DOCK7: variants seen among roughly 807,000 people sequenced by gnomAD.
DOCK7 encodes dedicator of cytokinesis 7.
In DOCK7, 138 loss-of-function variants were observed where a neutral mutation model predicts 271.0. The ratio of observed to expected loss-of-function variants is 0.51; its 90% confidence interval spans 0.44 to 0.59. DOCK7 has a LOEUF of 0.59. DOCK7 is among the 20% of genes least tolerant of loss of function. The probability of loss-of-function intolerance (pLI) is 0.00; values close to 1 mark genes in which losing one functional copy is unlikely to be tolerated. For missense variants in DOCK7, 2,066 were observed against 2,592.4 expected, an observed-to-expected ratio of 0.80 and a Z score of 4.41; for synonymous variants, 823 against 876.1, an observed-to-expected ratio of 0.94 and a Z score of 1.07.
In DOCK7 at chr1:62,618,802, A is replaced by G; in HGVS notation, c.1586T>C (p.Leu529Pro). Residue 529 changes from leucine (L) to proline (P), a missense_variant, in exon 14 of 50, where the codon CTT becomes CCT. Transcript: ENST00000635253. ...NPHYCLTPEL[L>P]QVKLYPDSRV... ...ACTGTCAGGGTAAAGCTTCACTTGA[A>G]GCAGCTCCGGAGTTAGGCAATAATG... The G allele has an allele frequency of 6.2e-7, 1 of 1,613,830 alleles. No individual in the cohort carries two copies. The highest frequency in any genetic ancestry group is 8.5e-7 in the Non-Finnish European group (1 of 1,179,728).
At chr1:62,645,060 T>C (rs1396860794) in intron 7 of DOCK7, among the ~76,000 whole-genome samples, 3 of 152,102 alleles carry the variant, frequency 2.0e-5, no homozygotes, top group Non-Finnish European at 2.9e-5. Flanking sequence ...CAAATATTGG[T>C]GAAAACGTGG....
chr1:62,641,906 G>A (rs898820087), intron 7 of DOCK7, among the ~76,000 whole-genome samples: 2 of 151,574 alleles, frequency 1.3e-5, no homozygotes, highest in African/African-American at 4.9e-5. Flanking sequence ...CCATTATATC[G>A]TAATATATAT....
At position 62,510,767 on chromosome 1, in the gene DOCK7, A is replaced by C. The variant is rs1395717288; in HGVS notation, c.4283-94T>G. 3.0e-5 allele frequency: 29 copies of C among 953,524 alleles called. No homozygotes were observed. In the Admixed American group the frequency reaches 5.2e-4, roughly 17 times the overall value. 59.1% of individuals were successfully genotyped at this position (953,524 alleles called of 1,614,324 possible). A position where few individuals can be genotyped will look rare whatever the true frequency, so the allele number is the denominator to read the frequency against. On this transcript the variant is annotated intron_variant, in intron 33 of 49. Coordinates refer to ENST00000635253, the MANE Select transcript of DOCK7 (RefSeq NM_001367561.1). The stretch of plus-strand genomic sequence containing the variant: ...AATCATGTAAGAAATATACAACAAT[A>C]ATTTGTACAAGCCATTTTATCCTCA...
chr1:62,680,900 G>T (rs1013429227), intron 1 of DOCK7, among the ~76,000 whole-genome samples: 1 of 152,196 alleles, frequency 6.6e-6, no homozygotes, highest in African/African-American at 2.4e-5. Context: ...TGCTGGAGAG[G>T]ATGTGGAGAA....
chr1:62,572,574 T>C lies in DOCK7; in HGVS notation c.2112+4688A>G, dbSNP rs547268303. Among the ~76,000 whole-genome samples the C allele has an allele frequency of 2.1e-3, 317 of 152,332 alleles. 2 individuals carry two copies. The highest frequency in any genetic ancestry group is 7.3e-3 in the African/African-American group (302 of 41,582). Reference sequence around the variant, plus strand: ...AAAGTCTAAGATCAAGGTGCCAGCATGGTCAGTTTCTGGTGAGGGTTCTCA... The same window carrying C: ...AAAGTCTAAGATCAAGGTGCCAGCACGGTCAGTTTCTGGTGAGGGTTCTCA... On this transcript the variant is annotated intron_variant, in intron 18 of 49. Coordinates refer to ENST00000635253, the MANE Select transcript of DOCK7 (RefSeq NM_001367561.1).
intron 48 of DOCK7, among the ~76,000 whole-genome samples, chr1:62,472,807 T>C (rs1367651552): frequency 6.6e-6 from 1 of 152,210 alleles, no homozygotes; most frequent in East Asian, 1.9e-4. Context: ...GTCTAGAATT[T>C]TGGTACATCT....
chr1:62,619,881 A>C lies in DOCK7; in HGVS notation c.1519+19T>G. The C allele has an allele frequency of 6.5e-7, 1 of 1,534,536 alleles. No homozygotes were observed. The highest frequency in any genetic ancestry group is 1.1e-5 in the South Asian group (1 of 87,448). On this transcript the variant is annotated intron_variant, in intron 13 of 49. Transcript: ENST00000635253. The stretch of plus-strand genomic sequence containing the variant: ...GATAATAATAGTTGCAACCATTTCT[A>C]CTCAAAATTTTTAAATACCTGTAAT...
At chr1:62,480,035 T>C (rs574102334) in intron 43 of DOCK7, among the ~76,000 whole-genome samples, 7 of 152,342 alleles carry the variant, frequency 4.6e-5, no homozygotes, top group Admixed American at 1.3e-4. Flanking sequence ...TAAAACAATA[T>C]TCCAATTCTT....
Position 62,454,806 on chromosome 1 carries a change from G to GT in DOCK7, c.*607dup, listed in dbSNP as rs1645303330. On this transcript the variant is annotated 3_prime_UTR_variant, in exon 50 of 50. Coordinates refer to ENST00000635253, the MANE Select transcript of DOCK7 (RefSeq NM_001367561.1). Reference sequence around the variant, plus strand: ...CGTATTTAAATTATTTTACACAAAGGTTTTACTAAGTAAAGTTCTGCAATT... The same window carrying GT: ...CGTATTTAAATTATTTTACACAAAGGTTTTTACTAAGTAAAGTTCTGCAATT... 5.8e-6 allele frequency: 1 copy of GT among 173,450 alleles called. No individual in the cohort carries two copies. Among genetic ancestry groups the GT allele is most frequent in the Admixed American group, 6.3e-5 (1 of 15,920 alleles). The allele number at this position is 173,450 out of a possible 1,614,324, so 10.7% of individuals were successfully genotyped here. A position where few individuals can be genotyped will look rare whatever the true frequency, so the allele number is the denominator to read the frequency against.
intron 43 of DOCK7, chr1:62,481,974 C>T (rs1024616660): frequency 6.6e-6 from 1 of 152,096 alleles, no homozygotes; most frequent in African/African-American, 2.4e-5. Flanking sequence ...TCTTTCTTTC[C>T]TTCTACTAGG....
intron 37 of DOCK7, among the ~76,000 whole-genome samples, chr1:62,502,771 A>C (rs1250203296): frequency 6.7e-6 from 1 of 149,268 alleles, no homozygotes; most frequent in Non-Finnish European, 1.5e-5. Context: ...AATTTTTTTT[A>C]AAGGGGAGGC....
At chr1:62,555,766 A>G (rs1194594292) in intron 21 of DOCK7, 59 bp downstream of exon 21, 4 of 1,546,234 alleles carry the variant, frequency 2.6e-6, no homozygotes, top group Non-Finnish European at 3.5e-6. Context: ...AATTATCTCA[A>G]TACTGACATG....
At position 62,671,332 on chromosome 1, in the gene DOCK7, T is replaced by C. The variant is rs542936116; in HGVS notation, c.39-8202A>G. 1.4e-4 allele frequency among the ~76,000 whole-genome samples: 21 copies of C among 152,258 alleles called. No homozygotes were observed. The South Asian group carries it at 4.1e-3, about 30-fold the overall frequency. On this transcript the variant is annotated intron_variant, in intron 1 of 49. Coordinates refer to ENST00000635253, the MANE Select transcript of DOCK7 (RefSeq NM_001367561.1). ...AGAGCTAAAGTGAAAAACACAGGAA[T>C]AGAAAAGAAAAATTCATAATTCCTT...
At chr1:62,670,045 G>A (rs956546566) in intron 1 of DOCK7, among the ~76,000 whole-genome samples, 19 of 152,236 alleles carry the variant, frequency 1.2e-4, no homozygotes, top group Admixed American at 9.8e-4. Context: ...CAGTGGCTGC[G>A]GAGGGTGTAC....
intron 35 of DOCK7, among the ~76,000 whole-genome samples, chr1:62,506,711 GC>G (rs951466413): frequency 6.6e-6 from 1 of 151,770 alleles, no homozygotes; most frequent in African/African-American, 2.4e-5. Context: ...ACTTTGGGAG[GC>G]TGAGGTGGGT....
At chr1:62,614,119 T>A (rs1182412926) in intron 14 of DOCK7, among the ~76,000 whole-genome samples, 1 of 152,106 alleles carries the variant, frequency 6.6e-6, no homozygotes, top group African/African-American at 2.4e-5. Context: ...GAAACATTCC[T>A]GAGAAGGCAA....
chr1:62,607,430 C>T (rs926250682), intron 14 of DOCK7, among the ~76,000 whole-genome samples: 1 of 152,320 alleles, frequency 6.6e-6, no homozygotes, highest in African/African-American at 2.4e-5. Context: ...TCAATACAAT[C>T]TTCTCTTGAA....
intron 16 of DOCK7, among the ~76,000 whole-genome samples, chr1:62,581,579 T>C (rs900903373): frequency 2.0e-5 from 3 of 151,632 alleles, no homozygotes; most frequent in African/African-American, 7.3e-5. Context: ...AAAAATAGAG[T>C]TGGAAACAAT....
At chr1:62,659,259 A>G (rs1322597736) in intron 2 of DOCK7, among the ~76,000 whole-genome samples, 2 of 152,222 alleles carry the variant, frequency 1.3e-5, no homozygotes, top group Admixed American at 1.3e-4. Flanking sequence ...TAAGACAATT[A>G]TATACAGGAG....
Sources: gnomAD v4.1 joint callset for allele counts (sites outside exome capture counted in the v4.1 genomes callset) on GRCh38, gnomAD v4.1.1 for gene constraint, MANE v1.5 for transcripts, NCBI Gene and HGNC (gene_info 2026-07-23, HGNC 2026-07-21) for gene names.